ASIC2: variants seen among roughly 807,000 people sequenced by gnomAD.
The protein encoded by ASIC2 is acid sensing ion channel subunit 2, also known as acid-sensing ion channel 2.
ASIC2 carries 25 observed loss-of-function variants against 57.3 expected under a neutral mutation model. The ratio of observed to expected loss-of-function variants is 0.44; its 90% CI spans 0.32 to 0.61. The LOEUF (loss-of-function observed/expected upper bound fraction) is 0.61, where lower values mean the gene tolerates loss of function less well. Among genes scored for constraint, ASIC2 ranks in the 20% least tolerant of loss-of-function variants. ASIC2 has a pLI of 0.06. For synonymous variants in ASIC2, 319 were observed against 307.5 expected (o/e 1.04, Z -0.39); for missense variants, 641 against 738.1 (o/e 0.87, Z 1.52).
intron 1 of ASIC2, among the ~76,000 whole-genome samples, chr17:33,494,811 C>T (rs1379112219): frequency 2.0e-5 from 3 of 152,214 alleles, no homozygotes; most frequent in African/African-American, 7.2e-5. Context: ...TATTAGCTCA[C>T]ATGAGCTCTG....
chr17:33,831,355 A>G (rs1322320054), intron 1 of ASIC2, among the ~76,000 whole-genome samples: 1 of 151,888 alleles, frequency 6.6e-6, no homozygotes, highest in Non-Finnish European at 1.5e-5. Context: ...TCCCTCCCGG[A>G]TCTCTTGTGG....
At chr17:33,026,122 G>A in intron 4 of ASIC2, 140 bp from the exon 5 acceptor site, 2 of 830,582 alleles carry the variant, frequency 2.4e-6, no homozygotes, top group Non-Finnish European at 3.8e-6. Flanking sequence ...AGTTCGAAGG[G>A]AGCCTTGGAT....
At chr17:33,507,973 C>A (rs1377213944) in intron 1 of ASIC2, among the ~76,000 whole-genome samples, 1 of 152,118 alleles carries the variant, frequency 6.6e-6, no homozygotes, top group Non-Finnish European at 1.5e-5. Context: ...TGAATAGTGT[C>A]CCAAATCAGA....
intron 1 of ASIC2, among the ~76,000 whole-genome samples, chr17:34,074,976 G>A (rs1220589291): frequency 6.6e-6 from 1 of 151,814 alleles, no homozygotes; most frequent in African/African-American, 2.4e-5. Flanking sequence ...GTAGAGACAG[G>A]GTTTCACCAT....
intron 5 of ASIC2, 71 bp from the exon 6 acceptor site, chr17:33,024,085 G>T: frequency 1.9e-6 from 3 of 1,584,758 alleles, no homozygotes; most frequent in Non-Finnish European, 2.6e-6. Flanking sequence ...AGAGTAGCTG[G>T]ATTGTAGCAG....
At chr17:33,227,424 G>A (rs894211837) in intron 1 of ASIC2, among the ~76,000 whole-genome samples, 1 of 152,094 alleles carries the variant, frequency 6.6e-6, no homozygotes. Flanking sequence ...TCAGCTTGGG[G>A]AGAATTTAGC....
chr17:33,432,956 A>T (rs891577606), intron 1 of ASIC2, among the ~76,000 whole-genome samples: 18 of 152,204 alleles, frequency 1.2e-4, no homozygotes, highest in Admixed American at 6.5e-5. Flanking sequence ...CGTTGGTGGG[A>T]GTGTAAACTA....
chr17:33,159,728 A>G (rs1237130747), intron 1 of ASIC2, among the ~76,000 whole-genome samples: 1 of 152,236 alleles, frequency 6.6e-6, no homozygotes, highest in Non-Finnish European at 1.5e-5. Context: ...TATGTAGTGC[A>G]TAAGAGTTGT....
At position 33,605,013 on chromosome 17, in the gene ASIC2, TTCTC is replaced by T. The variant is rs5820054; in HGVS notation, c.556-492950_556-492947del. Among the ~76,000 whole-genome samples, 109 of 148,098 alleles carry T rather than the reference TTCTC, an allele frequency of 7.4e-4. 1 individual carries two copies. The highest frequency in any genetic ancestry group is 3.4e-3 in the Admixed American group (50 of 14,876). ...TGCCCTACACACATATATTACTTCA[TTCTC>T]TCTCTCTCTCTCTCTCTCTCTCAAG... On this transcript the variant is annotated intron_variant, in intron 1 of 9. Coordinates refer to the ASIC2 transcript ENST00000359872.
At chr17:33,726,968 G>A (rs1394110706) in intron 1 of ASIC2, among the ~76,000 whole-genome samples, 1 of 152,050 alleles carries the variant, frequency 6.6e-6, no homozygotes, top group Non-Finnish European at 1.5e-5. Context: ...CCTGCTAATT[G>A]GAAAATTAGT....
chr17:33,955,972 G>T (rs1904722016), intron 1 of ASIC2, among the ~76,000 whole-genome samples: 1 of 152,022 alleles, frequency 6.6e-6, no homozygotes, highest in Admixed American at 6.6e-5. Context: ...TATCTCTTGA[G>T]TGGCCATTGA....
intron 1 of ASIC2, among the ~76,000 whole-genome samples, chr17:33,733,778 C>G (rs1387304060): frequency 6.6e-6 from 1 of 152,186 alleles, no homozygotes; most frequent in African/African-American, 2.4e-5. Context: ...TAGTTACCCT[C>G]GCTCCCGTTC....
chr17:33,870,775 T>C (rs1914383565), intron 1 of ASIC2, among the ~76,000 whole-genome samples: 1 of 152,220 alleles, frequency 6.6e-6, no homozygotes, highest in Non-Finnish European at 1.5e-5. Context: ...GCAATTGCAA[T>C]AATAAACTTA....
intron 1 of ASIC2, among the ~76,000 whole-genome samples, chr17:33,127,404 T>C (rs888700340): frequency 1.6e-4 from 24 of 152,218 alleles, no homozygotes; most frequent in African/African-American, 5.3e-4. Flanking sequence ...GCATGTTCCA[T>C]TGTGCCTGAA....
intron 2 of ASIC2, among the ~76,000 whole-genome samples, chr17:33,108,037 C>T (rs1267374007): frequency 6.6e-6 from 1 of 152,192 alleles, no homozygotes; most frequent in African/African-American, 2.4e-5. Flanking sequence ...ATCACCCTCT[C>T]ATTGCTTACA....
rs1329132583 is a variant in ASIC2, at chr17:33,708,840, C to G, written c.555+447138G>C. ...AATGATCCTTTACCCAACTCTGACT[C>G]CCTTCCTCGCACAAGCAGGAGCCCT... is the stretch of plus-strand genomic sequence containing the variant. On this transcript the variant is annotated intron_variant, in intron 1 of 9. Coordinates refer to the ASIC2 transcript ENST00000359872. Among the ~76,000 whole-genome samples the G allele has an allele frequency of 3.3e-5, 5 of 152,158 alleles. No individual in the cohort carries two copies. In the East Asian group the frequency reaches 9.6e-4, roughly 29 times the overall value.
chr17:34,102,335 T>A (rs1910896468), intron 1 of ASIC2, among the ~76,000 whole-genome samples: 1 of 151,358 alleles, frequency 6.6e-6, no homozygotes, highest in Non-Finnish European at 1.5e-5. Flanking sequence ...GTCTAAAAAA[T>A]AAATAAATAA....
chr17:33,968,958 C>G (rs1905148307), intron 1 of ASIC2, among the ~76,000 whole-genome samples: 1 of 152,184 alleles, frequency 6.6e-6, no homozygotes, highest in Non-Finnish European at 1.5e-5. Context: ...ACAGAAGAGC[C>G]TCCATTCCTC....
chr17:33,302,836 C>T (rs938848598), intron 1 of ASIC2, among the ~76,000 whole-genome samples: 1 of 152,178 alleles, frequency 6.6e-6, no homozygotes, highest in African/African-American at 2.4e-5. Flanking sequence ...CTACCAGGTA[C>T]TATTATGGGC....
Sources: gnomAD v4.1 joint callset for allele counts (sites outside exome capture counted in the v4.1 genomes callset) on GRCh38, gnomAD v4.1.1 for gene constraint, MANE v1.5 for transcripts, NCBI Gene and HGNC (gene_info 2026-07-23, HGNC 2026-07-21) for gene names.